The following ENOX2 variants were observed in gnomAD, a reference collection of about 807,000 sequenced individuals.
ENOX2 encodes ecto-NOX disulfide-thiol exchanger 2, also known as APK1 antigen.
ENOX2 carries 36 observed loss-of-function variants against 45.0 expected under a neutral mutation model. The ratio of observed to expected loss-of-function variants is 0.80; its 90% confidence interval spans 0.61 to 1.06. The LOEUF (loss-of-function observed/expected upper bound fraction) is 1.06, where lower values mean the gene tolerates loss of function less well. Ranked by LOEUF, ENOX2 falls within the 50% of genes least tolerant of loss-of-function variation. ENOX2 has a pLI of 0.00. For synonymous variants in ENOX2, 174 were observed against 152.3 expected, an observed-to-expected ratio of 1.14 and a Z score of -1.05; for missense variants, 423 against 462.5, an observed-to-expected ratio of 0.91 and a Z score of 0.78.
chrX:130,843,932 C>A (rs2078056449), intron 2 of ENOX2, among the ~76,000 whole-genome samples: 1 of 112,222 alleles, frequency 8.9e-6, no homozygotes, highest in South Asian at 3.7e-4. Context: ...GGTCAGGGAC[C>A]ATTTGGTGTC....
intron 2 of ENOX2, among the ~76,000 whole-genome samples, chrX:130,823,724 C>G (rs1332496319): frequency 1.8e-5 from 2 of 111,396 alleles, no homozygotes; most frequent in African/African-American, 6.5e-5. Context: ...CTTCACTATC[C>G]TCACTCCCTC....
intron 10 of ENOX2, among the ~76,000 whole-genome samples, chrX:130,647,003 C>T (rs915668356): frequency 4.2e-4 from 47 of 112,469 alleles, no homozygotes; most frequent in Non-Finnish European, 1.1e-4. Flanking sequence ...CTCAGACACT[C>T]TTCCATTCTA....
chrX:130,795,149 A>G (rs2077101339), intron 2 of ENOX2, among the ~76,000 whole-genome samples: 1 of 112,408 alleles, frequency 8.9e-6, no homozygotes, highest in South Asian at 3.7e-4. Flanking sequence ...AACACACAGG[A>G]GAAAACAGAG....
At chrX:130,843,056 C>T (rs2078041321) in intron 2 of ENOX2, among the ~76,000 whole-genome samples, 1 of 111,681 alleles carries the variant, frequency 9.0e-6, no homozygotes, top group Non-Finnish European at 1.9e-5. Flanking sequence ...GGCCCCGCAA[C>T]TTCAAATCAT....
At chrX:130,888,252 G>C (rs1423203455) in intron 2 of ENOX2, among the ~76,000 whole-genome samples, 1 of 112,414 alleles carries the variant, frequency 8.9e-6, no homozygotes, top group African/African-American at 3.2e-5. Context: ...CACTTTACAT[G>C]TAAGTGCTTC....
intron 5 of ENOX2, among the ~76,000 whole-genome samples, chrX:130,681,120 T>A (rs1216881794): frequency 8.9e-6 from 1 of 112,396 alleles, no homozygotes; most frequent in East Asian, 2.8e-4. Flanking sequence ...AAAGGGAAAA[T>A]AACCTAGTGA....
rs142706696 is a variant in ENOX2, at chrX:130,777,272, G to C, written c.-39+6275C>G. On this transcript the variant is annotated intron_variant, in intron 3 of 14. Coordinates refer to ENST00000394363, the MANE Select transcript of ENOX2 (RefSeq NM_006375.4). ...TCAGCACTTTGGGAGGCTGAGGCGGGTGGATCTTTTGAGCCCAGGAGTTCG... is the reference window on the plus strand; with the variant it reads ...TCAGCACTTTGGGAGGCTGAGGCGGCTGGATCTTTTGAGCCCAGGAGTTCG... Among the ~76,000 whole-genome samples, 103 of 110,560 alleles carry C rather than the reference G, an allele frequency of 9.3e-4. 1 individual carries two copies. Among genetic ancestry groups the C allele is most frequent in the African/African-American group, 3.2e-3 (96 of 30,362 alleles).
chrX:130,694,917 C>A (rs928036566), intron 4 of ENOX2, among the ~76,000 whole-genome samples: 3 of 111,429 alleles, frequency 2.7e-5, no homozygotes, highest in Non-Finnish European at 5.7e-5. Context: ...TAATTGGCTA[C>A]TTATGAATTT....
At chrX:130,709,083 A>G (rs1218227192) in intron 3 of ENOX2, among the ~76,000 whole-genome samples, 1 of 112,148 alleles carries the variant, frequency 8.9e-6, no homozygotes, top group Non-Finnish European at 1.9e-5. Flanking sequence ...ATGAAAGTCC[A>G]TGTAGCAGCC....
At chrX:130,761,765 T>C (rs1014121419) in intron 3 of ENOX2, among the ~76,000 whole-genome samples, 11 of 111,111 alleles carry the variant, frequency 9.9e-5, no homozygotes, top group Non-Finnish European at 1.7e-4. Flanking sequence ...CTCACCATCA[T>C]GAGGACAGCA....
In ENOX2 at chrX:130,903,200, C is replaced by A. The variant is rs2079179821; in HGVS notation, c.-382G>T. 8.9e-6 allele frequency: 1 copy of A among 112,969 alleles called. No homozygotes were observed. The highest frequency in any genetic ancestry group is 9.3e-5 in the Admixed American group (1 of 10,776). The allele number at this position is 112,969 out of a possible 1,213,427, so 9.3% of individuals were successfully genotyped here. On this transcript the variant is annotated 5_prime_UTR_variant, in exon 1 of 15. Coordinates refer to ENST00000394363, the MANE Select transcript of ENOX2 (RefSeq NM_006375.4). ...CCGCCTCGCGCTTCCAGGCCTAGAC[C>A]CGGCACTCTGGCCCAAGGCTGGACT...
chrX:130,733,374 A>C (rs2038783820), intron 3 of ENOX2, among the ~76,000 whole-genome samples: 1 of 110,262 alleles, frequency 9.1e-6, no homozygotes, highest in Non-Finnish European at 1.9e-5. Context: ...TAAAGTGACA[A>C]CACCAAATGC....
At chrX:130,849,101 TCAAA>T (rs1321112580) in intron 2 of ENOX2, among the ~76,000 whole-genome samples, 1 of 112,507 alleles carries the variant, frequency 8.9e-6, no homozygotes, top group Non-Finnish European at 1.9e-5. Flanking sequence ...AAGCCATCAG[TCAAA>T]CAAACAAAAA....
intron 2 of ENOX2, among the ~76,000 whole-genome samples, chrX:130,896,886 T>C (rs1247098021): frequency 8.9e-6 from 1 of 111,970 alleles, no homozygotes; most frequent in African/African-American, 3.3e-5. Flanking sequence ...GAAAATCAGA[T>C]ATCCTATATA....
At chrX:130,632,025 T>C (rs1462343846) in intron 12 of ENOX2, among the ~76,000 whole-genome samples, 5 of 111,051 alleles carry the variant, frequency 4.5e-5, no homozygotes, top group Non-Finnish European at 7.6e-5. Context: ...GACCATTGTT[T>C]TTTTAAAAAA....
rs996393310 is a variant in ENOX2 at position 130,761,911 on chromosome X, T to G, written c.-39+21636A>C. ...ACAAACTATATCATTATTGATAGTT[T>G]GTACTGATAGCCTCTGTTTCATTTC... On this transcript the variant is annotated intron_variant, in intron 3 of 14. Transcript: ENST00000394363. Among the ~76,000 whole-genome samples, 3 of 111,881 alleles carry G rather than the reference T, an allele frequency of 2.7e-5. No individual in the cohort carries two copies. In the Admixed American group the frequency reaches 2.8e-4, roughly 11 times the overall value.
At chrX:130,676,246 C>G (rs2037146415) in intron 6 of ENOX2, among the ~76,000 whole-genome samples, 1 of 111,679 alleles carries the variant, frequency 9.0e-6, no homozygotes, top group Admixed American at 9.4e-5. Context: ...AGTGCCAGCT[C>G]CCAAAGGTGC....
chrX:130,766,135 T>C (rs979556908), intron 3 of ENOX2, among the ~76,000 whole-genome samples: 1 of 111,605 alleles, frequency 9.0e-6, no homozygotes, highest in Non-Finnish European at 1.9e-5. Context: ...TGTCACTTTT[T>C]ATTTTTTGTC....
chrX:130,673,062 C>T (rs978494649), intron 6 of ENOX2, among the ~76,000 whole-genome samples: 2 of 112,090 alleles, frequency 1.8e-5, no homozygotes, highest in Non-Finnish European at 3.8e-5. Flanking sequence ...TGGCTCTTAC[C>T]TGTAGGCGCC....
Sources: allele counts gnomAD v4.1 joint callset (sites outside exome capture counted in the v4.1 genomes callset), GRCh38; gene constraint gnomAD v4.1.1; transcripts MANE v1.5; gene names NCBI Gene and HGNC (gene_info 2026-07-23, HGNC 2026-07-21).